The following VPS11 variants were observed in gnomAD, a reference collection of about 807,000 sequenced individuals.
VPS11 encodes VPS11 core subunit of CORVET and HOPS complexes.
In VPS11, 51 loss-of-function variants were observed where a neutral mutation model predicts 106.8. That is an observed-to-expected ratio of 0.48 (90% CI 0.38 to 0.60). VPS11 has a LOEUF of 0.60. VPS11 is among the 20% of genes least tolerant of loss of function. VPS11 has a pLI of 0.00. For missense variants in VPS11, 950 were observed against 1,190.0 expected (o/e 0.80, Z 2.97); for synonymous variants, 453 against 458.7 (o/e 0.99, Z 0.16).
chr11:119,076,672 C>A, intron 7 of VPS11: 1 of 484,182 alleles, frequency 2.1e-6, no homozygotes, highest in Non-Finnish European at 3.6e-6. Flanking sequence ...CTATTTTTAG[C>A]CAAATTTAAG....
chr11:119,081,334 A>G lies in VPS11; in HGVS notation c.2661+20A>G. On this transcript the variant is annotated intron_variant, in intron 15 of 15. Transcript: ENST00000621676. Reference sequence around the variant, plus strand: ...CATCAGGTGGGGATGAGTGGGCTAGATGGGCCAGGGGATTCCCACTAGTGT... The same window carrying G: ...CATCAGGTGGGGATGAGTGGGCTAGGTGGGCCAGGGGATTCCCACTAGTGT... 1.2e-6 allele frequency: 2 copies of G among 1,613,796 alleles called. No individual in the cohort carries two copies. The highest frequency in any genetic ancestry group is 8.5e-7 in the Non-Finnish European group (1 of 1,179,708).
chr11:119,075,329 G>C (rs1945564338), intron 7 of VPS11, among the ~76,000 whole-genome samples: 1 of 152,018 alleles, frequency 6.6e-6, no homozygotes. Context: ...ATCCCTTTGG[G>C]AGACCGAGGT....
Position 119,069,583 on chromosome 11 carries a change from C to G in VPS11, c.472+6C>G. 6.2e-7 allele frequency: 1 copy of G among 1,614,014 alleles called. No homozygotes were observed. The highest frequency in any genetic ancestry group is 8.5e-7 in the Non-Finnish European group (1 of 1,179,886). ...TCTCAACTTTATGGCCATTGGTAAA[C>G]AGAAGGCAAAACTAACCCTCCTAGA... On this transcript the variant is annotated splice_donor_region_variant and intron_variant, in intron 3 of 15. Coordinates refer to ENST00000621676, the MANE Select transcript of VPS11 (RefSeq NM_021729.6).
chr11:119,077,782 G>T, intron 9 of VPS11, 96 bp from the exon 10 acceptor site: 3 of 1,561,554 alleles, frequency 1.9e-6, no homozygotes, highest in Non-Finnish European at 2.6e-6. Flanking sequence ...CTTGGGCAGA[G>T]CCCTGTCGTT....
intron 14 of VPS11, among the ~76,000 whole-genome samples, chr11:119,080,664 C>T (rs1012675785): frequency 3.9e-5 from 6 of 152,168 alleles, no homozygotes; most frequent in Non-Finnish European, 5.9e-5. Flanking sequence ...CCACTGTGCC[C>T]AGCCAAATAG....
At chr11:119,068,603 C>T (rs1307610392) in intron 1 of VPS11, among the ~76,000 whole-genome samples, 1 of 151,802 alleles carries the variant, frequency 6.6e-6, no homozygotes, top group Non-Finnish European at 1.5e-5. Context: ...CTTGCCACCA[C>T]ACCCGGCTAA....
At chr11:119,069,746 C>T (rs1162027309) in intron 3 of VPS11, among the ~76,000 whole-genome samples, 169 bp downstream of exon 3, 1 of 152,136 alleles carries the variant, frequency 6.6e-6, no homozygotes, top group African/African-American at 2.4e-5. Flanking sequence ...TGCCTGTAAT[C>T]CCAGCACCTT....
chr11:119,080,557 C>T (rs1029558634), intron 14 of VPS11, among the ~76,000 whole-genome samples: 3 of 151,612 alleles, frequency 2.0e-5, no homozygotes, highest in African/African-American at 7.3e-5. Flanking sequence ...TTAGTAGAGA[C>T]TGGGTTTCAC....
intron 1 of VPS11, chr11:119,068,271 G>A: frequency 2.5e-6 from 1 of 407,748 alleles, no homozygotes; most frequent in Non-Finnish European, 4.3e-6. Flanking sequence ...CCAATTTGAC[G>A]AGGTTAATTT....
intron 14 of VPS11, among the ~76,000 whole-genome samples, chr11:119,079,703 G>A (rs1384794307): frequency 6.6e-6 from 1 of 152,128 alleles, no homozygotes; most frequent in Non-Finnish European, 1.5e-5. Flanking sequence ...AGCCTCCCAA[G>A]TAGCTGGGAT....
chr11:119,075,590 G>A (rs1032337028), intron 7 of VPS11, among the ~76,000 whole-genome samples: 3 of 148,318 alleles, frequency 2.0e-5, no homozygotes, highest in African/African-American at 7.5e-5. Context: ...GGTGGCTCAC[G>A]CCTGTAATCT....
At chr11:119,068,469 A>G (rs1465346381) in intron 1 of VPS11, among the ~76,000 whole-genome samples, 1 of 16,116 alleles carries the variant, frequency 6.2e-5, no homozygotes, top group Non-Finnish European at 1.4e-4. Context: ...TTTTTTTTTG[A>G]TACGGAGTCT....
chr11:119,071,965 G>A (rs1945410536), intron 5 of VPS11, 122 bp downstream of exon 5: 1 of 1,340,760 alleles, frequency 7.5e-7, no homozygotes. Flanking sequence ...TGTTATGTAG[G>A]TAACATTTCT....
Position 119,078,809 on chromosome 11 carries a change from T to C in VPS11, c.2078T>C (p.Met693Thr), listed in dbSNP as rs146380141. The change falls in exon 13 of 16, where the codon ATG becomes ACG. Residue 693 changes from methionine (M) to threonine (T), a missense_variant. Transcript: ENST00000621676. Reference protein sequence around the residue: ...YEQGKLFQQIMHYHMQHEQYR... With the variant: ...YEQGKLFQQITHYHMQHEQYR... ...CCCGGCCGCAGGTTCCAGCAGATCA[T>C]GCACTACCACATGCAGCACGAGCAG... is the stretch of plus-strand genomic sequence containing the variant. 3.1e-3 allele frequency: 4,984 copies of C among 1,613,572 alleles called. 14 individuals carry two copies. Among genetic ancestry groups the C allele is most frequent in the Non-Finnish European group, 3.9e-3 (4,607 of 1,179,696 alleles).
At position 119,067,925 on chromosome 11, in the gene VPS11, T is replaced by C; in HGVS notation, c.102T>C (p.Ala34=). 6.2e-7 allele frequency: 1 copy of C among 1,611,492 alleles called. No homozygotes were observed. Among genetic ancestry groups the C allele is most frequent in the Non-Finnish European group, 8.5e-7 (1 of 1,178,846 alleles). The change falls in exon 1 of 16, where the codon GCT becomes GCC. Residue 34 remains alanine (A), a synonymous_variant. Coordinates refer to ENST00000621676, the MANE Select transcript of VPS11 (RefSeq NM_021729.6). ...NDGAAPGATP[A]SGSAASKFLC... is the part of the protein sequence containing the mutation. ...GGGCCGCTCCCGGGGCCACACCTGC[T>C]TCTGGATCCGCTGCTTCCAAGTTCC...
At chr11:119,079,081 T>A in intron 13 of VPS11, 48 bp from the exon 14 acceptor site, 1 of 1,611,450 alleles carries the variant, frequency 6.2e-7, no homozygotes, top group Non-Finnish European at 8.5e-7. Context: ...ATCCAGAGAG[T>A]GCCACACGTG....
rs949479753 is a variant in VPS11 at position 119,069,003 on chromosome 11, C to G, written c.188-193C>G. Among the ~76,000 whole-genome samples the G allele has an allele frequency of 6.7e-4, 31 of 46,498 alleles. 2 individuals carry two copies. In the East Asian group the frequency reaches 0.022, roughly 32 times the overall value. 30.5% of individuals were successfully genotyped at this position (46,498 alleles called of 152,430 possible). On this transcript the variant is annotated intron_variant, in intron 1 of 15. Transcript: ENST00000621676. Reference sequence around the variant, plus strand: ...TGACCTCAGGTGATCCGCACCCCCCCCCCCCCCCGGCCTCCCAAAGTGCTG... The same window carrying G: ...TGACCTCAGGTGATCCGCACCCCCCGCCCCCCCCGGCCTCCCAAAGTGCTG...
At chr11:119,079,332 A>G (rs1241611084) in intron 14 of VPS11, 32 bp downstream of exon 14, 1 of 1,551,066 alleles carries the variant, frequency 6.4e-7, no homozygotes, top group Non-Finnish European at 8.7e-7. Context: ...GGAGGAGTCC[A>G]GGGGATAACT....
chr11:119,078,454 G>C, intron 11 of VPS11, 111 bp from the exon 12 acceptor site: 1 of 1,569,808 alleles, frequency 6.4e-7, no homozygotes, highest in South Asian at 1.1e-5. Flanking sequence ...GGGGCTCAAT[G>C]GTCCTCTGTG....
Sources: gnomAD v4.1 joint callset for allele counts (sites outside exome capture counted in the v4.1 genomes callset) on GRCh38, gnomAD v4.1.1 for gene constraint, MANE v1.5 for transcripts, NCBI Gene and HGNC (gene_info 2026-07-23, HGNC 2026-07-21) for gene names.